The following STXBP5L variants were observed in gnomAD, a reference collection of about 807,000 sequenced individuals.
STXBP5L encodes the protein syntaxin binding protein 5L, also known as syntaxin-binding protein 5-like.
STXBP5L carries 65 observed loss-of-function variants against 144.5 expected under a neutral mutation model. That is an observed-to-expected ratio of 0.45 (90% CI 0.37 to 0.55). The LOEUF is 0.55. Ranked by LOEUF, STXBP5L falls within the 20% of genes least tolerant of loss-of-function variation. STXBP5L has a pLI of 0.00. For synonymous variants in STXBP5L, 505 were observed against 469.6 expected (o/e 1.08, Z -0.97); for missense variants, 1,298 against 1,405.5 (o/e 0.92, Z 1.22).
chr3:121,246,915 A>G (rs1008326010), intron 14 of STXBP5L, among the ~76,000 whole-genome samples: 3 of 152,186 alleles, frequency 2.0e-5, no homozygotes, highest in Non-Finnish European at 4.4e-5. Context: ...ATTATTGGGG[A>G]TCTACTAGGG....
intron 9 of STXBP5L, among the ~76,000 whole-genome samples, chr3:121,160,237 G>C (rs983194362): frequency 6.6e-6 from 1 of 152,048 alleles, no homozygotes; most frequent in Non-Finnish European, 1.5e-5. Flanking sequence ...AGAAGTGCAC[G>C]CTTCTCAGTT....
chr3:121,008,770 A>C (rs1324673973), intron 3 of STXBP5L, among the ~76,000 whole-genome samples: 2 of 151,946 alleles, frequency 1.3e-5, no homozygotes, highest in Admixed American at 6.6e-5. Flanking sequence ...CTTTGGTTTG[A>C]GGCAATTTTA....
chr3:121,415,097 A>G (rs1179512100), intron 24 of STXBP5L, among the ~76,000 whole-genome samples: 1 of 152,178 alleles, frequency 6.6e-6, no homozygotes, highest in African/African-American at 2.4e-5. Context: ...TCATACTGGA[A>G]GTTCATAGGA....
chr3:121,008,471 A>T (rs959595228), intron 3 of STXBP5L, among the ~76,000 whole-genome samples: 8 of 152,072 alleles, frequency 5.3e-5, no homozygotes, highest in Admixed American at 5.3e-4. Flanking sequence ...TGATGGTATG[A>T]GGAAACCATT....
At chr3:121,206,677 G>A (rs1040940658) in intron 10 of STXBP5L, among the ~76,000 whole-genome samples, 1 of 152,036 alleles carries the variant, frequency 6.6e-6, no homozygotes, top group African/African-American at 2.4e-5. Flanking sequence ...AGCTGGGCAT[G>A]GTGGCATGTG....
At chr3:121,113,846 G>T (rs1162390785) in intron 5 of STXBP5L, among the ~76,000 whole-genome samples, 3 of 151,456 alleles carry the variant, frequency 2.0e-5, no homozygotes, top group Admixed American at 2.0e-4. Context: ...CTAATTTTTT[G>T]TATTTTTAGT....
At chr3:120,974,147 C>CA (rs1940639625) in intron 3 of STXBP5L, among the ~76,000 whole-genome samples, 1 of 152,140 alleles carries the variant, frequency 6.6e-6, no homozygotes, top group African/African-American at 2.4e-5. Context: ...AACTAGTTTA[C>CA]AGTCCCACCA....
chr3:121,248,327 G>A (rs1189128147), intron 14 of STXBP5L, among the ~76,000 whole-genome samples: 4 of 152,144 alleles, frequency 2.6e-5, no homozygotes, highest in Non-Finnish European at 4.4e-5. Context: ...GCCTCCCAAA[G>A]TGTTGGGATT....
chr3:121,139,521 C>A (rs1014458556), intron 7 of STXBP5L, among the ~76,000 whole-genome samples: 1 of 151,996 alleles, frequency 6.6e-6, no homozygotes, highest in Non-Finnish European at 1.5e-5. Context: ...CAAACCTAGG[C>A]AATGTGGCTC....
Position 121,403,264 on chromosome 3 carries a change from G to T in STXBP5L, c.2588-3979G>T, listed in dbSNP as rs1560060807. On this transcript the variant is annotated intron_variant, in intron 22 of 26. Transcript: ENST00000471454. Reference sequence around the variant, plus strand: ...CCTGGCCTATCCTAAAGGGAATCAAGGTTGGAAGCAGGGAGAGCAGTGAAG... The same window carrying T: ...CCTGGCCTATCCTAAAGGGAATCAATGTTGGAAGCAGGGAGAGCAGTGAAG... Among the ~76,000 whole-genome samples the T allele has an allele frequency of 2.0e-5, 3 of 152,240 alleles. No individual in the cohort carries two copies. The South Asian group carries it at 6.2e-4, about 32-fold the overall frequency.
intron 20 of STXBP5L, among the ~76,000 whole-genome samples, chr3:121,332,789 C>G (rs2044364117): frequency 2.0e-5 from 3 of 151,094 alleles, no homozygotes; most frequent in Admixed American, 2.0e-4. Flanking sequence ...AGATCCATTG[C>G]AAAAAGGACA....
At chr3:120,950,716 A>C (rs1168547502) in intron 2 of STXBP5L, among the ~76,000 whole-genome samples, 1 of 152,184 alleles carries the variant, frequency 6.6e-6, no homozygotes, top group Non-Finnish European at 1.5e-5. Context: ...TATCGTGAAA[A>C]TGGCCATACT....
At chr3:121,052,375 C>T (rs933406635) in intron 5 of STXBP5L, among the ~76,000 whole-genome samples, 14 of 152,140 alleles carry the variant, frequency 9.2e-5, no homozygotes, top group Admixed American at 9.2e-4. Context: ...AATCCAGCAG[C>T]ACATCAAAAA....
chr3:121,221,048 G>A (rs1388568392), intron 10 of STXBP5L, among the ~76,000 whole-genome samples: 1 of 151,790 alleles, frequency 6.6e-6, no homozygotes, highest in African/African-American at 2.4e-5. Context: ...TTTTCTTTTG[G>A]TTGTTGCTTC....
intron 3 of STXBP5L, among the ~76,000 whole-genome samples, chr3:120,986,166 G>A (rs73185502): frequency 0.04 from 6,034 of 151,916 alleles, 168 homozygotes; most frequent in Middle Eastern, 0.082. Context: ...GTTTAACAGT[G>A]TATTGTTTAA....
chr3:121,090,649 T>A (rs1034948024), intron 5 of STXBP5L, among the ~76,000 whole-genome samples: 7 of 152,104 alleles, frequency 4.6e-5, no homozygotes, highest in African/African-American at 1.7e-4. Context: ...TGTCTAAAAA[T>A]TTTTGTACCT....
At chr3:121,248,962 T>G (rs1357766066) in intron 14 of STXBP5L, among the ~76,000 whole-genome samples, 1 of 152,100 alleles carries the variant, frequency 6.6e-6, no homozygotes, top group Admixed American at 6.6e-5. Flanking sequence ...GTTGTAGGTG[T>G]GAGGCTTTCT....
intron 5 of STXBP5L, among the ~76,000 whole-genome samples, chr3:121,058,115 A>G (rs890404098): frequency 2.6e-5 from 4 of 152,078 alleles, no homozygotes. Context: ...TTGTAATGCT[A>G]TCCCTCCCCT....
chr3:121,054,360 G>A (rs183317912), intron 5 of STXBP5L, among the ~76,000 whole-genome samples: 2,510 of 152,182 alleles, frequency 0.016, 65 homozygotes, highest in African/African-American at 0.057. Flanking sequence ...AACAACGATA[G>A]ACTGGATGAA....
Sources: gnomAD v4.1 joint callset for allele counts (sites outside exome capture counted in the v4.1 genomes callset) on GRCh38, gnomAD v4.1.1 for gene constraint, MANE v1.5 for transcripts, NCBI Gene and HGNC (gene_info 2026-07-23, HGNC 2026-07-21) for gene names.